The following CADM1 variants were observed in gnomAD, a reference collection of about 807,000 sequenced individuals.
CADM1 encodes the protein cell adhesion molecule 1, also known as TSLC-1.
CADM1 carries 15 observed loss-of-function variants against 53.1 expected under a neutral mutation model. The ratio of observed to expected loss-of-function variants is 0.28; its 90% CI spans 0.19 to 0.44. The LOEUF (loss-of-function observed/expected upper bound fraction) is 0.44, where lower values mean the gene tolerates loss of function less well. Among genes scored for constraint, CADM1 ranks in the 20% least tolerant of loss-of-function variants. CADM1 has a pLI of 1.00. For synonymous variants in CADM1, 281 were observed against 243.0 expected (o/e 1.16, Z -1.45); for missense variants, 434 against 611.3 (o/e 0.71, Z 3.06).
intron 1 of CADM1, among the ~76,000 whole-genome samples, chr11:115,266,425 C>T (rs1943143096): frequency 1.3e-5 from 2 of 152,212 alleles, no homozygotes; most frequent in African/African-American, 4.8e-5. Context: ...GCCATGTCTG[C>T]ATTATGACAG....
At chr11:115,388,213 T>TA (rs1331578938) in intron 1 of CADM1, among the ~76,000 whole-genome samples, 4 of 151,926 alleles carry the variant, frequency 2.6e-5, no homozygotes, top group Middle Eastern at 3.2e-3. Context: ...GACAGACAGA[T>TA]AGATGGATAG....
intron 1 of CADM1, among the ~76,000 whole-genome samples, chr11:115,453,214 A>G (rs1367792193): frequency 1.3e-5 from 2 of 151,998 alleles, no homozygotes; most frequent in African/African-American, 4.8e-5. Flanking sequence ...CCATCTCTAC[A>G]AAATTTACAA....
At chr11:115,491,150 G>A (rs1452285445) in intron 1 of CADM1, among the ~76,000 whole-genome samples, 1 of 152,048 alleles carries the variant, frequency 6.6e-6, no homozygotes, top group Non-Finnish European at 1.5e-5. Flanking sequence ...TGGATAAGGA[G>A]AAGGGTTAAA....
chr11:115,252,930 G>C (rs1385923552), intron 1 of CADM1, among the ~76,000 whole-genome samples: 1 of 152,148 alleles, frequency 6.6e-6, no homozygotes, highest in African/African-American at 2.4e-5. Flanking sequence ...TCTATACAGG[G>C]AGGACATCCA....
intron 1 of CADM1, among the ~76,000 whole-genome samples, chr11:115,490,527 T>TA (rs1024040464): frequency 6.6e-6 from 1 of 150,596 alleles, no homozygotes; most frequent in Non-Finnish European, 1.5e-5. Flanking sequence ...GCCACCCGAG[T>TA]AGCTGGGACT....
At chr11:115,229,046 T>C in intron 5 of CADM1, 67 bp downstream of exon 5, 1 of 1,460,616 alleles carries the variant, frequency 6.8e-7, no homozygotes, top group Non-Finnish European at 9.6e-7. Context: ...ATTGAATAAA[T>C]GGCTTCTGAA....
intron 1 of CADM1, among the ~76,000 whole-genome samples, chr11:115,473,029 C>A (rs1591281360): frequency 6.6e-6 from 1 of 152,200 alleles, no homozygotes; most frequent in East Asian, 1.9e-4. Context: ...GCTAACATAG[C>A]TTCTCAGCAC....
At position 115,174,543 on chromosome 11, in the gene CADM1, T is replaced by C; in HGVS notation, c.*1931A>G. On this transcript the variant is annotated 3_prime_UTR_variant, in exon 12 of 12. Transcript: ENST00000331581. ...GGATTTTCTTTTACATACCAGTCCG[T>C]TCCCAAAAGGCCCCCATATTGCAAT... is the stretch of plus-strand genomic sequence containing the variant. The C allele has an allele frequency of 1.0e-6, 1 of 985,674 alleles. No homozygotes were observed. Among genetic ancestry groups the C allele is most frequent in the Non-Finnish European group, 1.2e-6 (1 of 829,860 alleles). 61.1% of individuals were successfully genotyped at this position (985,674 alleles called of 1,614,324 possible).
In CADM1 at chr11:115,290,563, A is replaced by G. The variant is rs76348300; in HGVS notation, c.125-50143T>C. Among the ~76,000 whole-genome samples, 1,245 of 152,334 alleles carry G rather than the reference A, an allele frequency of 8.2e-3. 21 individuals are homozygous for G. Among genetic ancestry groups the G allele is most frequent in the African/African-American group, 0.027 (1,131 of 41,562 alleles). On this transcript the variant is annotated intron_variant, in intron 1 of 11. Coordinates refer to ENST00000331581, the MANE Select transcript of CADM1 (RefSeq NM_001301043.2). The stretch of plus-strand genomic sequence containing the variant: ...ATCAGGGGTGCTTTATGAAGAATTT[A>G]TTATCAGGTAGGAATATCAAATGAG...
At chr11:115,408,018 G>C (rs541387312) in intron 1 of CADM1, among the ~76,000 whole-genome samples, 1 of 151,946 alleles carries the variant, frequency 6.6e-6, no homozygotes, top group East Asian at 1.9e-4. Flanking sequence ...TAAAAGGGCT[G>C]GGTGTTGGGG....
rs569693895 is a variant in CADM1, at chr11:115,502,505, A to C, written c.124+1766T>G. Among the ~76,000 whole-genome samples the C allele has an allele frequency of 1.2e-3, 180 of 152,024 alleles. 1 individual carries two copies. Among genetic ancestry groups the C allele is most frequent in the African/African-American group, 4.1e-3 (172 of 41,454 alleles). ...CATTTTATTGAACCCATCCAGTCAG[A>C]GGCATCACCTGAAATGAAGTTGTAA... On this transcript the variant is annotated intron_variant, in intron 1 of 11. Transcript: ENST00000331581.
chr11:115,214,910 T>C, intron 6 of CADM1, 130 bp from the exon 7 acceptor site: 5 of 994,824 alleles, frequency 5.0e-6, no homozygotes, highest in Non-Finnish European at 8.0e-6. Context: ...GAATTACAAC[T>C]GTGAAGTCTC....
At chr11:115,183,221 C>T (rs1027042124) in intron 10 of CADM1, among the ~76,000 whole-genome samples, 9 of 152,220 alleles carry the variant, frequency 5.9e-5, no homozygotes, top group Admixed American at 2.0e-4. Flanking sequence ...TCTTTCTCTA[C>T]TTGTTTTCAT....
intron 10 of CADM1, chr11:115,179,023 T>A: frequency 2.0e-6 from 1 of 507,670 alleles, no homozygotes; most frequent in Non-Finnish European, 3.6e-6. Flanking sequence ...GGAACAAGCT[T>A]AGGGAGGCAG....
chr11:115,303,212 G>A (rs1206449960), intron 1 of CADM1, among the ~76,000 whole-genome samples: 1 of 151,974 alleles, frequency 6.6e-6, no homozygotes, highest in African/African-American at 2.4e-5. Context: ...ATATGAAGCT[G>A]GAAAGGGGAA....
intron 1 of CADM1, among the ~76,000 whole-genome samples, chr11:115,394,112 T>C (rs1351976066): frequency 6.6e-6 from 1 of 152,174 alleles, no homozygotes; most frequent in African/African-American, 2.4e-5. Flanking sequence ...GATCTAGATC[T>C]ACAGACTTAA....
chr11:115,188,900 TG>T (rs907212215), intron 10 of CADM1, among the ~76,000 whole-genome samples: 7 of 116,152 alleles, frequency 6.0e-5, no homozygotes, highest in African/African-American at 1.3e-4. Flanking sequence ...TTTTATTGGT[TG>T]TTTTTTTTTT....
At chr11:115,461,873 A>C (rs1327372626) in intron 1 of CADM1, among the ~76,000 whole-genome samples, 1 of 152,204 alleles carries the variant, frequency 6.6e-6, no homozygotes, top group East Asian at 1.9e-4. Flanking sequence ...AATGCAGTTC[A>C]GGAATTTAAA....
At position 115,435,798 on chromosome 11, in the gene CADM1, GT is replaced by G. The variant is rs534512555; in HGVS notation, c.124+68472del. On this transcript the variant is annotated intron_variant, in intron 1 of 11. Transcript: ENST00000331581. Reference sequence around the variant, plus strand: ...AAGCTTTTATGTATTTCCTATGGCTGTTTTTGCATTACAACAACCGACCTGA... The same window carrying G: ...AAGCTTTTATGTATTTCCTATGGCTGTTTTGCATTACAACAACCGACCTGA... 5.6e-3 allele frequency among the ~76,000 whole-genome samples: 860 copies of G among 152,252 alleles called. 4 individuals carry two copies. Among genetic ancestry groups the G allele is most frequent in the Non-Finnish European group, 0.01 (684 of 68,004 alleles).
Sources: gnomAD v4.1 joint callset for allele counts (sites outside exome capture counted in the v4.1 genomes callset) on GRCh38, gnomAD v4.1.1 for gene constraint, MANE v1.5 for transcripts, NCBI Gene and HGNC (gene_info 2026-07-23, HGNC 2026-07-21) for gene names.